Variants in ATP13A5 observed in about 807,000 individuals in gnomAD.
ATP13A5 encodes the protein ATPase 13A5, also known as probable cation-transporting ATPase 13A5.
A neutral mutation model predicts 150.2 loss-of-function variants in ATP13A5; 149 were observed. That is an observed-to-expected ratio of 0.99 (90% CI 0.87 to 1.14). The LOEUF (loss-of-function observed/expected upper bound fraction) is 1.14, where lower values mean the gene tolerates loss of function less well. Among genes scored for constraint, ATP13A5 ranks in the 50% most tolerant of loss-of-function variants. The pLI is 0.00. For synonymous variants in ATP13A5, 497 were observed against 522.2 expected, an observed-to-expected ratio of 0.95 and a Z score of 0.66; for missense variants, 1,383 against 1,449.3, an observed-to-expected ratio of 0.95 and a Z score of 0.74.
Position 193,314,264 on chromosome 3 carries a change from T to C in ATP13A5, c.2159-71A>G. 6.7e-6 allele frequency: 10 copies of C among 1,493,348 alleles called. No individual in the cohort carries two copies. In the South Asian group the frequency reaches 1.1e-4, roughly 17 times the overall value. 92.5% of individuals were successfully genotyped at this position (1,493,348 alleles called of 1,614,324 possible). A position where few individuals can be genotyped will look rare whatever the true frequency, so the allele number is the denominator to read the frequency against. ...TCAGCAACAAGAACTGAGGTCTCCC[T>C]TTTCCACTCTGCTTGGTGTTCTTTG... On this transcript the variant is annotated intron_variant, in intron 18 of 29. Coordinates refer to ENST00000342358, the MANE Select transcript of ATP13A5 (RefSeq NM_198505.4).
intron 27 of ATP13A5, among the ~76,000 whole-genome samples, chr3:193,280,705 AC>A (rs1717449971): frequency 6.6e-6 from 1 of 152,140 alleles, no homozygotes; most frequent in Admixed American, 6.5e-5. Context: ...CACTTTAGAG[AC>A]GGTACCTTAG....
intron 23 of ATP13A5, 48 bp from the exon 24 acceptor site, chr3:193,301,355 T>G (rs764945983): frequency 7.2e-7 from 1 of 1,393,318 alleles, no homozygotes; most frequent in Non-Finnish European, 1.0e-6. Flanking sequence ...ATGATAAATG[T>G]CTCCCAACTT....
chr3:193,318,698 G>C (rs1179884608), intron 17 of ATP13A5, among the ~76,000 whole-genome samples: 1 of 152,142 alleles, frequency 6.6e-6, no homozygotes, highest in Non-Finnish European at 1.5e-5. Flanking sequence ...TGGGATGAGA[G>C]CTGCGACTAA....
At chr3:193,294,770 A>C (rs543473056) in intron 25 of ATP13A5, among the ~76,000 whole-genome samples, 10 of 152,260 alleles carry the variant, frequency 6.6e-5, no homozygotes, top group East Asian at 5.8e-4. Context: ...TTTTCAGTTG[A>C]AAATACATTT....
intron 27 of ATP13A5, among the ~76,000 whole-genome samples, chr3:193,283,023 G>A (rs556431721): frequency 6.6e-6 from 1 of 152,108 alleles, no homozygotes; most frequent in South Asian, 2.1e-4. Context: ...GGTAAATCAA[G>A]AATAGACTGA....
At chr3:193,303,526 A>ATG (rs1235931151) in intron 23 of ATP13A5, among the ~76,000 whole-genome samples, 1 of 151,998 alleles carries the variant, frequency 6.6e-6, no homozygotes, top group Non-Finnish European at 1.5e-5. Context: ...ATTTGTGTGT[A>ATG]TGTGTGTGTA....
chr3:193,303,908 C>CACACAT (rs202242043), intron 23 of ATP13A5, among the ~76,000 whole-genome samples: 2,638 of 151,866 alleles, frequency 0.017, 97 homozygotes, highest in African/African-American at 0.06. Flanking sequence ...CATACACACA[C>CACACAT]ACACACACAC....
intron 14 of ATP13A5, among the ~76,000 whole-genome samples, chr3:193,324,355 A>C (rs906077531): frequency 1.3e-5 from 2 of 152,218 alleles, no homozygotes; most frequent in African/African-American, 4.8e-5. Context: ...AAATCAGATT[A>C]AAAATTCAGT....
chr3:193,327,722 G>A (rs763399289), intron 12 of ATP13A5, among the ~76,000 whole-genome samples: 12 of 152,120 alleles, frequency 7.9e-5, no homozygotes, highest in Non-Finnish European at 1.6e-4. Flanking sequence ...AAATGGAGCC[G>A]AGTACTATCA....
intron 23 of ATP13A5, among the ~76,000 whole-genome samples, chr3:193,304,552 T>C (rs1325643889): frequency 1.3e-5 from 2 of 152,320 alleles, no homozygotes; most frequent in African/African-American, 2.4e-5. Flanking sequence ...TCACTGCCCA[T>C]GAAAATGCCC....
At chr3:193,275,442 C>A in intron 29 of ATP13A5, 140 bp from the exon 30 acceptor site, 1 of 984,100 alleles carries the variant, frequency 1.0e-6, no homozygotes, top group Non-Finnish European at 1.5e-6. Flanking sequence ...TCTCCTTTCC[C>A]AAGTTCTGGA....
At chr3:193,356,038 G>C (rs895408249) in intron 5 of ATP13A5, among the ~76,000 whole-genome samples, 2 of 152,222 alleles carry the variant, frequency 1.3e-5, no homozygotes, top group South Asian at 2.1e-4. Context: ...CCACAACTTC[G>C]TATGTCTACC....
intron 13 of ATP13A5, among the ~76,000 whole-genome samples, chr3:193,325,923 C>T (rs759018197): frequency 2.0e-5 from 3 of 152,160 alleles, no homozygotes. Flanking sequence ...TTCCCTTTCA[C>T]TGCTCTGGCC....
rs1297643172 is a variant in ATP13A5, at chr3:193,286,914, A to G, written c.3024-1798T>C. On this transcript the variant is annotated intron_variant, in intron 26 of 29. Coordinates refer to ENST00000342358, the MANE Select transcript of ATP13A5 (RefSeq NM_198505.4). ...AAGTAGGAGTTCTTGAAGAAAATTA[A>G]AAGTGTTATTCCAGTGAACACATGA... Among the ~76,000 whole-genome samples, 4 of 152,300 alleles carry G rather than the reference A, an allele frequency of 2.6e-5. No homozygotes were observed. The South Asian group carries it at 6.2e-4, about 24-fold the overall frequency.
In ATP13A5 at chr3:193,305,681, GC is replaced by G; in HGVS notation, c.2569-14del. ...CCGCTTTCAAAGCCTGGAATGATAAGCCCATGTCTCACCCATGACTTTTCAG... is the reference window on the plus strand; with the variant it reads ...CCGCTTTCAAAGCCTGGAATGATAAGCCATGTCTCACCCATGACTTTTCAG... On this transcript the variant is annotated splice_polypyrimidine_tract_variant and intron_variant, in intron 22 of 29. Coordinates refer to ENST00000342358, the MANE Select transcript of ATP13A5 (RefSeq NM_198505.4). 1 of 1,611,014 alleles carries G rather than the reference GC, an allele frequency of 6.2e-7. No homozygotes were observed. The highest frequency in any genetic ancestry group is 8.5e-7 in the Non-Finnish European group (1 of 1,177,276).
chr3:193,327,656 A>AT (rs1719512819), intron 12 of ATP13A5, among the ~76,000 whole-genome samples: 1 of 152,204 alleles, frequency 6.6e-6, no homozygotes, highest in Admixed American at 6.5e-5. Context: ...TAGTTCAGAG[A>AT]TTTGATTCGC....
At chr3:193,321,971 T>TTG (rs142234694) in intron 15 of ATP13A5, 134 bp from the exon 16 acceptor site, 1,462 of 1,023,338 alleles carry the variant, frequency 1.4e-3, no homozygotes, top group South Asian at 1.6e-3. Context: ...AACATTGATT[T>TTG]TGTGTGTGTG....
chr3:193,276,067 C>T (rs1003821671), intron 29 of ATP13A5, among the ~76,000 whole-genome samples: 2 of 152,056 alleles, frequency 1.3e-5, no homozygotes, highest in African/African-American at 4.8e-5. Flanking sequence ...GTATTTTTCT[C>T]TTCTTTTGGG....
chr3:193,351,008 T>A, intron 7 of ATP13A5, 59 bp downstream of exon 7: 1 of 1,589,420 alleles, frequency 6.3e-7, no homozygotes, highest in Non-Finnish European at 8.6e-7. Flanking sequence ...GGAAATACCA[T>A]GGGCTTTACT....
Sources: gnomAD v4.1 joint callset for allele counts (sites outside exome capture counted in the v4.1 genomes callset) on GRCh38, gnomAD v4.1.1 for gene constraint, MANE v1.5 for transcripts, NCBI Gene and HGNC (gene_info 2026-07-23, HGNC 2026-07-21) for gene names.